Variants in ANO3 observed in about 807,000 individuals in gnomAD.
ANO3 encodes anoctamin-3.
ANO3 carries 99 observed loss-of-function variants against 144.8 expected under a neutral mutation model. That is an observed-to-expected ratio of 0.68 (90% CI 0.58 to 0.81). The LOEUF (loss-of-function observed/expected upper bound fraction) is 0.81. ANO3 is among the 30% of genes least tolerant of loss of function. The pLI is 0.00. For synonymous variants in ANO3, 414 were observed against 392.6 expected, an observed-to-expected ratio of 1.05 and a Z score of -0.64; for missense variants, 905 against 1,202.2, an observed-to-expected ratio of 0.75 and a Z score of 3.66.
At chr11:26,409,498 G>T (rs1337949367) in intron 1 of ANO3, among the ~76,000 whole-genome samples, 1 of 151,862 alleles carries the variant, frequency 6.6e-6, no homozygotes, top group Non-Finnish European at 1.5e-5. Flanking sequence ...ACTGGACATT[G>T]ATACCTCACG....
chr11:26,385,131 TTAAGA>T (rs1856688934), intron 1 of ANO3, among the ~76,000 whole-genome samples: 1 of 152,180 alleles, frequency 6.6e-6, no homozygotes, highest in Non-Finnish European at 1.5e-5. Context: ...AAAAGATCAA[TTAAGA>T]TAAGACTCAT....
intron 1 of ANO3, among the ~76,000 whole-genome samples, chr11:26,386,108 T>C (rs1590316442): frequency 6.6e-6 from 1 of 151,838 alleles, no homozygotes; most frequent in East Asian, 1.9e-4. Context: ...GTATGATGAG[T>C]TTGGGATAAC....
intron 11 of ANO3, among the ~76,000 whole-genome samples, chr11:26,544,377 C>A: frequency 6.7e-6 from 1 of 148,982 alleles, no homozygotes; most frequent in East Asian, 2.0e-4. Context: ...TGGGTAGAAT[C>A]TAAAAAGGTT....
At position 26,553,227 on chromosome 11, in the gene ANO3, TTTGTTTTTG is replaced by T. The variant is rs762448399; in HGVS notation, c.1290-19_1290-11del. ...GTTTCATGCTATGTTTTGTTTTGTTTTTGTTTTTGTTTTTTCTCAAGCCAAGAAATTTGT... is the reference window on the plus strand; with the variant it reads ...GTTTCATGCTATGTTTTGTTTTGTTTTTTTTTCTCAAGCCAAGAAATTTGT... On this transcript the variant is annotated splice_polypyrimidine_tract_variant and intron_variant, in intron 12 of 26. Transcript: ENST00000256737. 7.7e-7 allele frequency: 1 copy of T among 1,298,686 alleles called. No individual in the cohort carries two copies. Among genetic ancestry groups the T allele is most frequent in the Non-Finnish European group, 1.1e-6 (1 of 951,682 alleles). 80.4% of individuals were successfully genotyped at this position (1,298,686 alleles called of 1,614,324 possible). A position where few individuals can be genotyped will look rare whatever the true frequency, so the allele number is the denominator to read the frequency against.
At chr11:26,459,786 G>T (rs1859314283) in intron 3 of ANO3, among the ~76,000 whole-genome samples, 1 of 152,056 alleles carries the variant, frequency 6.6e-6, no homozygotes, top group Non-Finnish European at 1.5e-5. Context: ...TGAAGGATTT[G>T]ATGTAGGGTA....
intron 1 of ANO3, among the ~76,000 whole-genome samples, chr11:26,379,295 C>A (rs1026196321): frequency 1.3e-5 from 2 of 152,074 alleles, no homozygotes; most frequent in Non-Finnish European, 2.9e-5. Flanking sequence ...GGATTTTTTT[C>A]TGAGTTTGAT....
At chr11:26,589,997 G>A (rs1851397363) in intron 14 of ANO3, among the ~76,000 whole-genome samples, 1 of 152,172 alleles carries the variant, frequency 6.6e-6, no homozygotes, top group South Asian at 2.1e-4. Context: ...CTGATAAGAG[G>A]ATCTATAGAG....
At chr11:26,531,074 T>C in intron 7 of ANO3, 131 bp from the exon 8 acceptor site, 1 of 919,516 alleles carries the variant, frequency 1.1e-6, no homozygotes, top group Non-Finnish European at 1.6e-6. Context: ...TGCACGTGTA[T>C]GTGTGGTGTG....
chr11:26,607,551 T>C (rs1288630380), intron 17 of ANO3, among the ~76,000 whole-genome samples: 1 of 152,202 alleles, frequency 6.6e-6, no homozygotes, highest in Non-Finnish European at 1.5e-5. Flanking sequence ...TCTGCATGCC[T>C]TATTTCAGCA....
chr11:26,657,105 C>G (rs1370890362), intron 26 of ANO3, among the ~76,000 whole-genome samples: 2 of 152,112 alleles, frequency 1.3e-5, no homozygotes, highest in East Asian at 3.9e-4. Flanking sequence ...TATCTACTCT[C>G]TGAGGTACCA....
chr11:26,335,075 G>A (rs1855158482), intron 1 of ANO3, among the ~76,000 whole-genome samples: 5 of 152,124 alleles, frequency 3.3e-5, no homozygotes. Flanking sequence ...CTGGTTATCT[G>A]GGAAATGAAA....
intron 1 of ANO3, among the ~76,000 whole-genome samples, chr11:26,203,590 G>A (rs893073423): frequency 2.0e-5 from 3 of 152,140 alleles, no homozygotes; most frequent in Non-Finnish European, 4.4e-5. Context: ...AGAAGGATAA[G>A]TGTTCATCTA....
chr11:26,487,172 T>A (rs1860484437), intron 4 of ANO3, among the ~76,000 whole-genome samples: 1 of 152,196 alleles, frequency 6.6e-6, no homozygotes, highest in Admixed American at 6.5e-5. Flanking sequence ...TCCCACGTGT[T>A]GTGGGAGGGA....
intron 4 of ANO3, among the ~76,000 whole-genome samples, chr11:26,500,791 A>AC (rs1861162742): frequency 6.6e-6 from 1 of 151,606 alleles, no homozygotes; most frequent in African/African-American, 2.4e-5. Flanking sequence ...GAAAAAAAAA[A>AC]CCACCAAAAA....
At chr11:26,300,924 A>ACAC (rs1286919762) in intron 1 of ANO3, among the ~76,000 whole-genome samples, 7 of 133,126 alleles carry the variant, frequency 5.3e-5, no homozygotes, top group African/African-American at 1.8e-4. Flanking sequence ...TGCAATTTCC[A>ACAC]CTCACTGCCA....
intron 1 of ANO3, among the ~76,000 whole-genome samples, chr11:26,230,158 G>A (rs749152450): frequency 5.9e-5 from 9 of 152,150 alleles, no homozygotes; most frequent in Non-Finnish European, 1.3e-4. Context: ...TCATGGAAGT[G>A]GATAGTTCAA....
chr11:26,638,009 T>C (rs944716869), intron 20 of ANO3, among the ~76,000 whole-genome samples: 3 of 152,152 alleles, frequency 2.0e-5, no homozygotes, highest in Admixed American at 6.5e-5. Context: ...GGGTCTCTAA[T>C]ACTAACTTAT....
chr11:26,522,624 G>T (rs867192428), intron 6 of ANO3, among the ~76,000 whole-genome samples: 2 of 152,136 alleles, frequency 1.3e-5, no homozygotes, highest in South Asian at 2.1e-4. Flanking sequence ...AGGTAGAAAA[G>T]GATTTGGCCC....
chr11:26,499,397 ATAGTT>A (rs1441124795), intron 4 of ANO3, among the ~76,000 whole-genome samples: 1 of 151,742 alleles, frequency 6.6e-6, no homozygotes, highest in African/African-American at 2.4e-5. Context: ...AAATGCTCTC[ATAGTT>A]TATTCTAAAA....
Sources: gnomAD v4.1 joint callset for allele counts (sites outside exome capture counted in the v4.1 genomes callset) on GRCh38, gnomAD v4.1.1 for gene constraint, MANE v1.5 for transcripts, NCBI Gene and HGNC (gene_info 2026-07-23, HGNC 2026-07-21) for gene names.